The following VANGL1 variants were observed in gnomAD, a reference collection of about 807,000 sequenced individuals.
VANGL1 encodes VANGL planar cell polarity protein 1.
Under a neutral mutation model 48.4 loss-of-function variants are expected in VANGL1, and 18 were observed. The observed-to-expected ratio is 0.37, with a 90% CI of 0.26 to 0.55. VANGL1 has a LOEUF of 0.55. Among genes scored for constraint, VANGL1 ranks in the 20% least tolerant of loss-of-function variants. The probability of loss-of-function intolerance (pLI) is 0.81; values close to 1 mark genes in which losing one functional copy is unlikely to be tolerated. For missense variants in VANGL1, 667 were observed against 675.8 expected (o/e 0.99, Z 0.14); for synonymous variants, 257 against 261.8 (o/e 0.98, Z 0.18).
At chr1:115,650,131 C>T (rs1652086283) in intron 1 of VANGL1, among the ~76,000 whole-genome samples, 1 of 152,210 alleles carries the variant, frequency 6.6e-6, no homozygotes, top group Non-Finnish European at 1.5e-5. Flanking sequence ...CTGATTCCCT[C>T]CAGACTTATG....
At chr1:115,669,482 C>T (rs1243318363) in intron 4 of VANGL1, among the ~76,000 whole-genome samples, 1 of 152,140 alleles carries the variant, frequency 6.6e-6, no homozygotes, top group East Asian at 1.9e-4. Context: ...CCATAATTCC[C>T]ACATGTTGTG....
chr1:115,691,198 T>A lies in VANGL1; in HGVS notation c.1394T>A (p.Leu465His), dbSNP rs928469171. Reference sequence around the variant, plus strand: ...CGCTGGCTCTCTACACAGTGGAGGCTTGTCAGTGATGAGGCTGTGACTAAT... The same window carrying A: ...CGCTGGCTCTCTACACAGTGGAGGCATGTCAGTGATGAGGCTGTGACTAAT... ...KDRWLSTQWRLVSDEAVTNGL... is the reference protein window; with the variant it reads ...KDRWLSTQWRHVSDEAVTNGL... Residue 465 changes from leucine (L) to histidine (H), a missense_variant, in exon 8 of 8, where the codon CTT (leucine) becomes CAT (histidine). By Grantham distance (99) the Leu-to-His change is moderately conservative. Transcript: ENST00000355485. 1 of 1,613,988 alleles carries A rather than the reference T, an allele frequency of 6.2e-7. No homozygotes were observed. Among genetic ancestry groups the A allele is most frequent in the African/African-American group, 1.3e-5 (1 of 74,912 alleles).
chr1:115,685,065 T>C (rs1269519797), intron 6 of VANGL1, among the ~76,000 whole-genome samples: 2 of 152,196 alleles, frequency 1.3e-5, no homozygotes, highest in Non-Finnish European at 2.9e-5. Flanking sequence ...CTGGGGCTCC[T>C]TTCCCCCAAC....
chr1:115,647,814 G>A (rs74114595), intron 1 of VANGL1, among the ~76,000 whole-genome samples: 2,993 of 152,324 alleles, frequency 0.02, 109 homozygotes, highest in African/African-American at 0.068. Flanking sequence ...AACAGGACAG[G>A]ATACTGGAGA....
intron 2 of VANGL1, among the ~76,000 whole-genome samples, chr1:115,655,259 A>G (rs1652301127): frequency 1.3e-5 from 2 of 152,236 alleles, no homozygotes; most frequent in African/African-American, 4.8e-5. Context: ...AAATAGAAAT[A>G]GGCAAACAAC....
At chr1:115,655,738 A>C (rs1466433644) in intron 2 of VANGL1, among the ~76,000 whole-genome samples, 3 of 152,112 alleles carry the variant, frequency 2.0e-5, no homozygotes, top group Non-Finnish European at 4.4e-5. Context: ...TGCCGTGAAC[A>C]GATTGTCTTC....
In VANGL1 at chr1:115,691,705, G is replaced by A. The variant is rs989019015; in HGVS notation, c.*326G>A. ...GCCTTACAACTAATTCCTGCCTTTC[G>A]TCCAGTACCAAGTCCCCCGTTGCTT... On this transcript the variant is annotated 3_prime_UTR_variant, in exon 8 of 8. Transcript: ENST00000355485. 3.6e-5 allele frequency: 10 copies of A among 276,078 alleles called. No homozygotes were observed. The highest frequency in any genetic ancestry group is 9.9e-5 in the Admixed American group (2 of 20,146). 17.1% of individuals were successfully genotyped at this position (276,078 alleles called of 1,614,324 possible).
intron 4 of VANGL1, among the ~76,000 whole-genome samples, chr1:115,671,820 G>A (rs758605364): frequency 2.0e-5 from 3 of 152,174 alleles, no homozygotes; most frequent in Non-Finnish European, 4.4e-5. Flanking sequence ...TGTCTCCTAG[G>A]TGCCCCAGTA....
chr1:115,647,668 C>A (rs12564739), intron 1 of VANGL1, among the ~76,000 whole-genome samples: 17,919 of 152,070 alleles, frequency 0.12, 1,326 homozygotes, highest in South Asian at 0.33. Context: ...GTGGTCTAGC[C>A]CTGTGTAGGT....
intron 2 of VANGL1, among the ~76,000 whole-genome samples, chr1:115,653,011 T>C (rs1652210394): frequency 6.6e-6 from 1 of 152,240 alleles, no homozygotes; most frequent in Non-Finnish European, 1.5e-5. Context: ...GAAACGTTCA[T>C]GAGACCATGT....
Position 115,683,844 on chromosome 1 carries a change from G to T in VANGL1, c.947-100G>T, listed in dbSNP as rs189533069. On this transcript the variant is annotated intron_variant, in intron 5 of 7. Coordinates refer to ENST00000355485, the MANE Select transcript of VANGL1 (RefSeq NM_138959.3). The stretch of plus-strand genomic sequence containing the variant: ...GGATTTGTGTGTGTGTGTTCCATAG[G>T]GGGTGGGTAGACAACACTGACAGAT... The T allele has an allele frequency of 1.3e-3, 1,881 of 1,474,154 alleles. 11 individuals are homozygous for T. Among genetic ancestry groups the T allele is most frequent in the Non-Finnish European group, 9.6e-4 (1,023 of 1,061,970 alleles). 91.3% of individuals were successfully genotyped at this position (1,474,154 alleles called of 1,614,324 possible).
At chr1:115,662,090 C>T (rs565384678) in intron 3 of VANGL1, among the ~76,000 whole-genome samples, 22 of 152,274 alleles carry the variant, frequency 1.4e-4, no homozygotes, top group South Asian at 4.2e-4. Flanking sequence ...TTCTGGCCAT[C>T]GTCTGAAATA....
At chr1:115,653,382 C>A (rs567552825) in intron 2 of VANGL1, among the ~76,000 whole-genome samples, 1 of 152,218 alleles carries the variant, frequency 6.6e-6, no homozygotes, top group East Asian at 1.9e-4. Flanking sequence ...GGTAAACTTA[C>A]CAGATTTAGT....
In VANGL1 at chr1:115,663,497, G is replaced by A. The variant is rs558253837; in HGVS notation, c.205-164G>A. Among the ~76,000 whole-genome samples, 15 of 152,328 alleles carry A rather than the reference G, an allele frequency of 9.8e-5. No individual in the cohort carries two copies. The South Asian group carries it at 1.4e-3, about 15-fold the overall frequency. On this transcript the variant is annotated intron_variant, in intron 3 of 7. Transcript: ENST00000355485. Reference sequence around the variant, plus strand: ...CATTTTGAAAATTTCAATGAAAATCGTTTGAGTTAAGAAGTTCTAATATTT... The same window carrying A: ...CATTTTGAAAATTTCAATGAAAATCATTTGAGTTAAGAAGTTCTAATATTT...
rs551165832 is a variant in VANGL1 at position 115,684,067 on chromosome 1, G to A, written c.1070G>A (p.Arg357Gln). ...GAACATGAACGGCGAGTAAAGAAGC[G>A]GAAAGCAAGGTATACTGCCCTCCTG... ...EAEHERRVKKRKARLVVAVEE... is the reference protein window; with the variant it reads ...EAEHERRVKKQKARLVVAVEE... The change falls in exon 6 of 8, where the codon CGG becomes CAG. Residue 357 changes from arginine to glutamine, a missense_variant. Coordinates refer to ENST00000355485, the MANE Select transcript of VANGL1 (RefSeq NM_138959.3). 17 of 1,613,566 alleles carry A rather than the reference G, an allele frequency of 1.1e-5. No individual in the cohort carries two copies. Among genetic ancestry groups the A allele is most frequent in the East Asian group, 4.5e-5 (2 of 44,844 alleles).
intron 2 of VANGL1, among the ~76,000 whole-genome samples, chr1:115,656,097 G>C (rs1052970776): frequency 1.3e-5 from 2 of 152,232 alleles, no homozygotes; most frequent in African/African-American, 4.8e-5. Flanking sequence ...CTAGTGCTGA[G>C]CTGACAGGAA....
In VANGL1 at chr1:115,664,206, C is replaced by T. The variant is rs1652687170; in HGVS notation, c.750C>T (p.Phe250=). The T allele has an allele frequency of 1.2e-6, 2 of 1,614,116 alleles. No individual in the cohort carries two copies. The highest frequency in any genetic ancestry group is 1.7e-6 in the Non-Finnish European group (2 of 1,179,980). Residue 250 remains phenylalanine (F), a synonymous_variant, in exon 4 of 8, where the codon TTC becomes TTT. Transcript: ENST00000355485. ...AGCTCAGGCAGCTGCAGCCCATGTT[C>T]ACGCTGCAGGTGGTCCGCTCCACCG... ...LLELRQLQPM[F]TLQVVRSTDG...
Position 115,657,551 on chromosome 1 carries a change from A to T in VANGL1, c.72-2090A>T, listed in dbSNP as rs563363126. On this transcript the variant is annotated intron_variant, in intron 2 of 7. Coordinates refer to ENST00000355485, the MANE Select transcript of VANGL1 (RefSeq NM_138959.3). The stretch of plus-strand genomic sequence containing the variant: ...AAAGTGTTCTATAAATTGGGGTAGG[A>T]TGTGAGGTAATTGGCATTGTTAGAT... Among the ~76,000 whole-genome samples the T allele has an allele frequency of 2.6e-5, 4 of 152,220 alleles. No individual in the cohort carries two copies. The East Asian group carries it at 7.7e-4, about 29-fold the overall frequency.
chr1:115,663,037 G>C (rs749698393), intron 3 of VANGL1, among the ~76,000 whole-genome samples: 2 of 152,070 alleles, frequency 1.3e-5, no homozygotes, highest in African/African-American at 4.8e-5. Flanking sequence ...CGTCCGCCTC[G>C]GCCTTCCAAA....
Sources: allele counts gnomAD v4.1 joint callset (sites outside exome capture counted in the v4.1 genomes callset), GRCh38; gene constraint gnomAD v4.1.1; transcripts MANE v1.5; gene names NCBI Gene and HGNC (gene_info 2026-07-23, HGNC 2026-07-21).